ALDH8A1: variants seen among roughly 807,000 people sequenced by gnomAD.
ALDH8A1 encodes aldehyde dehydrogenase 8 family member A1, also known as 2-aminomuconic semialdehyde dehydrogenase.
Under a neutral mutation model 43.3 loss-of-function variants are expected in ALDH8A1, and 39 were observed. That is an observed-to-expected ratio of 0.90 (90% CI 0.70 to 1.18). ALDH8A1 has a LOEUF of 1.18. Among genes scored for constraint, ALDH8A1 ranks in the 50% most tolerant of loss-of-function variants. The pLI is 0.00. For synonymous variants in ALDH8A1, 233 were observed against 243.5 expected, an observed-to-expected ratio of 0.96 and a Z score of 0.40; for missense variants, 605 against 622.6, an observed-to-expected ratio of 0.97 and a Z score of 0.30.
intron 1 of ALDH8A1, among the ~76,000 whole-genome samples, chr6:134,949,018 C>A (rs1773999330): frequency 6.6e-6 from 1 of 151,178 alleles, no homozygotes; most frequent in South Asian, 2.1e-4. Flanking sequence ...ACTTTAAATG[C>A]AAGACAGATT....
intron 5 of ALDH8A1, among the ~76,000 whole-genome samples, chr6:134,931,452 T>C (rs1043365117): frequency 6.6e-6 from 1 of 151,418 alleles, no homozygotes; most frequent in African/African-American, 2.4e-5. Context: ...TTAGTAGAGA[T>C]GGAGTTTTGC....
At chr6:134,932,562 G>T (rs1777002275) in intron 5 of ALDH8A1, among the ~76,000 whole-genome samples, 1 of 152,164 alleles carries the variant, frequency 6.6e-6, no homozygotes, top group South Asian at 2.1e-4. Flanking sequence ...AACTCAAGAA[G>T]AGGAGTTTGC....
At chr6:134,939,136 C>A in intron 4 of ALDH8A1, 130 bp downstream of exon 4, 1 of 1,402,504 alleles carries the variant, frequency 7.1e-7, no homozygotes, top group Non-Finnish European at 9.7e-7. Context: ...AGGGGATTTC[C>A]CAGACAAGGA....
At chr6:134,921,397 G>A (rs1776797709) in intron 6 of ALDH8A1, among the ~76,000 whole-genome samples, 1 of 152,156 alleles carries the variant, frequency 6.6e-6, no homozygotes, top group South Asian at 2.1e-4. Context: ...AGTAGGGAAG[G>A]ACTCAGCAGG....
At chr6:134,949,861 A>G (rs1774012937) in intron 1 of ALDH8A1, 55 bp downstream of exon 1, 5 of 1,490,286 alleles carry the variant, frequency 3.4e-6, no homozygotes, top group Non-Finnish European at 4.5e-6. Context: ...ACTGTTACCC[A>G]TAATTGGCCA....
In ALDH8A1 at chr6:134,918,334, G is replaced by A; in HGVS notation, c.*81C>T. On this transcript the variant is annotated 3_prime_UTR_variant, in exon 7 of 7. Transcript: ENST00000265605. ...AAGTCAAGGCATAGCTGGAATTCAT[G>A]CCATGATTTTCATCTACCACATTGA... 7.3e-7 allele frequency: 1 copy of A among 1,366,064 alleles called. No individual in the cohort carries two copies. The highest frequency in any genetic ancestry group is 1.0e-6 in the Non-Finnish European group (1 of 987,804). The allele number at this position is 1,366,064 out of a possible 1,614,324, so 84.6% of individuals were successfully genotyped here.
intron 3 of ALDH8A1, among the ~76,000 whole-genome samples, chr6:134,939,702 T>A (rs1773817996): frequency 6.6e-6 from 1 of 152,074 alleles, no homozygotes; most frequent in Non-Finnish European, 1.5e-5. Flanking sequence ...AGCTAAAGAG[T>A]TGTCACCTAT....
At chr6:134,925,679 T>C (rs1282701632) in intron 6 of ALDH8A1, among the ~76,000 whole-genome samples, 2 of 152,202 alleles carry the variant, frequency 1.3e-5, no homozygotes, top group African/African-American at 4.8e-5. Flanking sequence ...GAAGCTGACA[T>C]TCTAGTCCAG....
chr6:134,918,682 G>A lies in ALDH8A1; in HGVS notation c.1197C>T (p.Val399=), dbSNP rs141798638. The A allele has an allele frequency of 7.3e-4, 1,180 of 1,614,120 alleles. 1 individual carries two copies. Among genetic ancestry groups the A allele is most frequent in the Middle Eastern group, 9.9e-4 (6 of 6,062 alleles). ...CCTCCTCTTCACTATCAAAGGGGAC[G>A]ACACACGTCACTGGACCAAATATCT... ...TEEIFGPVTC[V]VPFDSEEEVI... Residue 399 remains valine (V), a synonymous_variant, in exon 7 of 7, where the codon GTC becomes GTT. Transcript: ENST00000265605.
At chr6:134,947,936 G>T (rs1221173259) in intron 1 of ALDH8A1, among the ~76,000 whole-genome samples, 1 of 151,954 alleles carries the variant, frequency 6.6e-6, no homozygotes, top group Non-Finnish European at 1.5e-5. Context: ...GTATACTGAA[G>T]AGATACCTGT....
intron 6 of ALDH8A1, among the ~76,000 whole-genome samples, chr6:134,923,485 A>G (rs1217128937): frequency 1.3e-5 from 2 of 152,214 alleles, no homozygotes; most frequent in African/African-American, 2.4e-5. Context: ...ATAACTGCTA[A>G]GATTCATCAT....
Position 134,918,494 on chromosome 6 carries a change from C to G in ALDH8A1, c.1385G>C (p.Ser462Thr). The G allele has an allele frequency of 6.2e-7, 1 of 1,614,198 alleles. No homozygotes were observed. The highest frequency in any genetic ancestry group is 8.5e-7 in the Non-Finnish European group (1 of 1,180,030). The change falls in exon 7 of 7, where the codon AGT becomes ACT. Residue 462 changes from serine to threonine, a missense_variant. Transcript: ENST00000265605. Reference protein sequence around the residue: ...ELNLPFGGMKSSGIGREGAKD... With the variant: ...ELNLPFGGMKTSGIGREGAKD... Reference sequence around the variant, plus strand: ...GGCTCCCTCTCTACCTATTCCAGAACTCTTCATCCCCCCGAAAGGAAGGTT... The same window carrying G: ...GGCTCCCTCTCTACCTATTCCAGAAGTCTTCATCCCCCCGAAAGGAAGGTT...
At chr6:134,939,240 G>T (rs1381104950) in intron 4 of ALDH8A1, 26 bp downstream of exon 4, 1 of 1,610,358 alleles carries the variant, frequency 6.2e-7, no homozygotes, top group Admixed American at 1.7e-5. Flanking sequence ...CTCTGTGCCT[G>T]CCCCCCAACC....
rs779553167 is a variant in ALDH8A1, at chr6:134,918,404, A to G, written c.*11T>C. ...AGGCATTGGCCATAGTGGCTCCACCATTAGCAAAGATCAGTGTTTAACGGT... is the reference window on the plus strand; with the variant it reads ...AGGCATTGGCCATAGTGGCTCCACCGTTAGCAAAGATCAGTGTTTAACGGT... On this transcript the variant is annotated 3_prime_UTR_variant, in exon 7 of 7. Transcript: ENST00000265605. 3 of 1,610,222 alleles carry G rather than the reference A, an allele frequency of 1.9e-6. No homozygotes were observed. Among genetic ancestry groups the G allele is most frequent in the South Asian group, 1.1e-5 (1 of 90,856 alleles).
intron 1 of ALDH8A1, among the ~76,000 whole-genome samples, chr6:134,945,756 C>A (rs1562261201): frequency 1.3e-5 from 2 of 152,134 alleles, no homozygotes; most frequent in Non-Finnish European, 2.9e-5. Context: ...GCCGCCTGAG[C>A]CTGTGCTAGC....
chr6:134,936,939 G>A (rs1773752814), intron 4 of ALDH8A1, among the ~76,000 whole-genome samples: 1 of 152,124 alleles, frequency 6.6e-6, no homozygotes, highest in Non-Finnish European at 1.5e-5. Flanking sequence ...GAACAGACGA[G>A]AACAGACTAG....
intron 1 of ALDH8A1, 66 bp downstream of exon 1, chr6:134,949,850 A>G: frequency 2.7e-6 from 4 of 1,466,660 alleles, no homozygotes; most frequent in Non-Finnish European, 3.6e-6. Context: ...GCTTTTAGAA[A>G]ACTGTTACCC....
rs143329127 is a variant in ALDH8A1 at position 134,922,309 on chromosome 6, C to T, written c.1012-3442G>A. ...GTGCTGTGGTTATGGAAATACCATC[C>T]TTATTGTTTTTGCCTTGAAAAACTT... is the stretch of plus-strand genomic sequence containing the variant. On this transcript the variant is annotated intron_variant, in intron 6 of 6. Transcript: ENST00000265605. Among the ~76,000 whole-genome samples the T allele has an allele frequency of 1.5e-3, 229 of 152,322 alleles. 2 individuals carry two copies. Among genetic ancestry groups the T allele is most frequent in the African/African-American group, 5.2e-3 (216 of 41,572 alleles).
chr6:134,929,861 A>G (rs1185102480), intron 5 of ALDH8A1, among the ~76,000 whole-genome samples: 4 of 152,208 alleles, frequency 2.6e-5, no homozygotes, highest in Admixed American at 1.3e-4. Context: ...GATCAGATTT[A>G]CATTTTAAAA....
Sources: allele counts gnomAD v4.1 joint callset (sites outside exome capture counted in the v4.1 genomes callset), GRCh38; gene constraint gnomAD v4.1.1; transcripts MANE v1.5; gene names NCBI Gene and HGNC (gene_info 2026-07-23, HGNC 2026-07-21).